EPHA6: variants seen among roughly 807,000 people sequenced by gnomAD.
The protein encoded by EPHA6 is EPH receptor A6.
A neutral mutation model predicts 112.0 loss-of-function variants in EPHA6; 50 were observed. That is an observed-to-expected ratio of 0.45 (90% CI 0.36 to 0.56). The LOEUF is 0.56. EPHA6 is among the 20% of genes least tolerant of loss of function. EPHA6 has a pLI of 0.00. For missense variants in EPHA6, 1,280 were observed against 1,417.4 expected, an observed-to-expected ratio of 0.90 and a Z score of 1.56; for synonymous variants, 529 against 490.7, an observed-to-expected ratio of 1.08 and a Z score of -1.03.
intron 3 of EPHA6, among the ~76,000 whole-genome samples, chr3:96,998,916 G>C (rs901323862): frequency 6.6e-6 from 1 of 151,868 alleles, no homozygotes; most frequent in African/African-American, 2.4e-5. Flanking sequence ...ACTATGCCTA[G>C]TTAAGAGTTT....
intron 3 of EPHA6, among the ~76,000 whole-genome samples, chr3:97,072,398 A>T (rs1156801194): frequency 1.3e-5 from 2 of 152,080 alleles, no homozygotes; most frequent in Admixed American, 1.3e-4. Flanking sequence ...TATTACAGGG[A>T]AGACAATGTG....
intron 14 of EPHA6, among the ~76,000 whole-genome samples, chr3:97,641,274 T>C (rs1305528351): frequency 1.3e-5 from 2 of 152,202 alleles, no homozygotes; most frequent in Non-Finnish European, 2.9e-5. Flanking sequence ...TTTTAGAGCA[T>C]TCTATGAATG....
chr3:97,395,405 T>C (rs1411416985), intron 5 of EPHA6, among the ~76,000 whole-genome samples: 1 of 151,742 alleles, frequency 6.6e-6, no homozygotes, highest in Non-Finnish European at 1.5e-5. Flanking sequence ...AAACATGTTC[T>C]CAGGTTTCAA....
intron 3 of EPHA6, among the ~76,000 whole-genome samples, chr3:97,000,992 A>G (rs1576294955): frequency 6.7e-6 from 1 of 148,230 alleles, no homozygotes. Context: ...TTTTTTCTGT[A>G]AACTCTCCAG....
chr3:97,007,090 G>C (rs2043908989), intron 3 of EPHA6, among the ~76,000 whole-genome samples: 1 of 152,132 alleles, frequency 6.6e-6, no homozygotes, highest in East Asian at 1.9e-4. Context: ...TTGTTTTGGG[G>C]TGGAGAGTTC....
chr3:97,138,850 T>A (rs1235285923), intron 3 of EPHA6, among the ~76,000 whole-genome samples: 2 of 152,150 alleles, frequency 1.3e-5, no homozygotes, highest in East Asian at 3.9e-4. Flanking sequence ...AGCTCAGGGA[T>A]CAAAAGGTGG....
intron 3 of EPHA6, among the ~76,000 whole-genome samples, chr3:97,163,184 C>T (rs561738764): frequency 2.0e-5 from 3 of 152,182 alleles, no homozygotes; most frequent in Non-Finnish European, 2.9e-5. Context: ...GACATTAAGA[C>T]TTAAATGACA....
At chr3:97,427,669 A>G (rs2089235035) in intron 6 of EPHA6, among the ~76,000 whole-genome samples, 2 of 151,986 alleles carry the variant, frequency 1.3e-5, no homozygotes, top group African/African-American at 4.8e-5. Context: ...AAAACTGCAC[A>G]TGTATCCTTA....
chr3:97,704,946 A>G (rs933900192), intron 14 of EPHA6, among the ~76,000 whole-genome samples: 2 of 152,104 alleles, frequency 1.3e-5, no homozygotes, highest in East Asian at 1.9e-4. Context: ...CTACTCTCCT[A>G]TTTTCCTTCT....
intron 5 of EPHA6, among the ~76,000 whole-genome samples, chr3:97,387,965 G>A (rs1282575759): frequency 6.6e-6 from 1 of 152,168 alleles, no homozygotes; most frequent in Non-Finnish European, 1.5e-5. Flanking sequence ...AGAAGAGAGA[G>A]AATGAGGGGG....
rs2078360128 is a variant in EPHA6, at chr3:97,226,491, A to T, written c.1270+72A>T. 2.9e-6 allele frequency: 4 copies of T among 1,372,786 alleles called. No homozygotes were observed. The Admixed American group carries it at 6.9e-5, about 24-fold the overall frequency. The allele number at this position is 1,372,786 out of a possible 1,614,324, so 85.0% of individuals were successfully genotyped here. A position where few individuals can be genotyped will look rare whatever the true frequency, so the allele number is the denominator to read the frequency against. ...TGGTCTTTTCATTCTAAATTTAAAA[A>T]ATAAGTAAATGTACAAAATCTTGCA... On this transcript the variant is annotated intron_variant, in intron 4 of 17. Coordinates refer to ENST00000389672, the MANE Select transcript of EPHA6 (RefSeq NM_001080448.3).
At chr3:97,453,670 A>C (rs2090594127) in intron 7 of EPHA6, among the ~76,000 whole-genome samples, 1 of 151,764 alleles carries the variant, frequency 6.6e-6, no homozygotes, top group South Asian at 2.1e-4. Flanking sequence ...TTTTACAAAA[A>C]GTGGTATGTA....
intron 5 of EPHA6, among the ~76,000 whole-genome samples, chr3:97,291,921 C>A (rs1485807834): frequency 1.3e-5 from 2 of 152,232 alleles, no homozygotes; most frequent in Non-Finnish European, 1.5e-5. Flanking sequence ...TTGTGCCTGG[C>A]AGGTTGCACT....
intron 3 of EPHA6, among the ~76,000 whole-genome samples, chr3:97,203,914 C>T (rs372310260): frequency 3.3e-5 from 5 of 151,806 alleles, no homozygotes; most frequent in African/African-American, 1.2e-4. Flanking sequence ...AGCGCACCAG[C>T]GTGGCACATG....
chr3:97,058,485 G>A (rs1039306916), intron 3 of EPHA6, among the ~76,000 whole-genome samples: 7 of 151,996 alleles, frequency 4.6e-5, no homozygotes, highest in Admixed American at 6.6e-5. Context: ...TATTTTTGGT[G>A]GAGACGGGGT....
chr3:97,463,426 A>G (rs891387369), intron 7 of EPHA6, among the ~76,000 whole-genome samples: 8 of 152,190 alleles, frequency 5.3e-5, no homozygotes, highest in Non-Finnish European at 8.8e-5. Flanking sequence ...TTAATAGGTT[A>G]GAACTAAAAT....
rs935309893 is a variant in EPHA6, at chr3:97,010,743, C to T, written c.1114+22750C>T. On this transcript the variant is annotated intron_variant, in intron 3 of 17. Transcript: ENST00000389672. The stretch of plus-strand genomic sequence containing the variant: ...TAGCGATCTCGGCACACTGCAACCT[C>T]CACCTCCCGGGTTCAAGTGATTCTT... 1.3e-4 allele frequency among the ~76,000 whole-genome samples: 20 copies of T among 152,216 alleles called. No individual in the cohort carries two copies. The East Asian group carries it at 3.9e-3, about 29-fold the overall frequency.
At chr3:97,481,068 C>A (rs893956237) in intron 9 of EPHA6, 2 of 444,620 alleles carry the variant, frequency 4.5e-6, no homozygotes, top group Admixed American at 2.8e-5. Context: ...ACTTCCCAGA[C>A]GGGGTGGCAG....
At chr3:97,052,058 A>C (rs2045700537) in intron 3 of EPHA6, among the ~76,000 whole-genome samples, 2 of 152,154 alleles carry the variant, frequency 1.3e-5, no homozygotes, top group South Asian at 4.1e-4. Context: ...TTTGATATGA[A>C]TGCTATTATT....
Sources: gnomAD v4.1 joint callset for allele counts (sites outside exome capture counted in the v4.1 genomes callset) on GRCh38, gnomAD v4.1.1 for gene constraint, MANE v1.5 for transcripts, NCBI Gene and HGNC (gene_info 2026-07-23, HGNC 2026-07-21) for gene names.